TOP6BL: variants seen among roughly 807,000 people sequenced by gnomAD.
TOP6BL encodes type 2 DNA topoisomerase 6 subunit B-like.
chr11:66,746,543 C>T, the TOP6BL span, among the ~76,000 whole-genome samples: 4 of 152,118 alleles, frequency 2.6e-5, no homozygotes, highest in Non-Finnish European at 2.9e-5. Context: ...GGAGAAACTC[C>T]GTCACTACTA....
the TOP6BL span, among the ~76,000 whole-genome samples, chr11:66,794,440 C>T: frequency 1.4e-4 from 22 of 152,196 alleles, no homozygotes; most frequent in Non-Finnish European, 7.4e-5. Context: ...GCCAAGTTGA[C>T]CTGGCTAACC....
the TOP6BL span, among the ~76,000 whole-genome samples, chr11:66,814,709 A>G: frequency 7.2e-5 from 11 of 152,166 alleles, no homozygotes; most frequent in African/African-American, 2.2e-4. Flanking sequence ...TAAGGGAGCA[A>G]TGATACCTCT....
the TOP6BL span, among the ~76,000 whole-genome samples, chr11:66,814,427 A>G: frequency 2.6e-5 from 4 of 151,768 alleles, no homozygotes; most frequent in African/African-American, 9.7e-5. Flanking sequence ...CCTGGCTAAT[A>G]GTTTTTTGTA....
the TOP6BL span, among the ~76,000 whole-genome samples, chr11:66,761,198 C>T: frequency 6.6e-6 from 1 of 151,848 alleles, no homozygotes; most frequent in African/African-American, 2.4e-5. Context: ...GGTGAAACCC[C>T]GTCTCTACTA....
the TOP6BL span, among the ~76,000 whole-genome samples, chr11:66,826,981 CT>C: frequency 5.8e-4 from 55 of 95,044 alleles, no homozygotes; most frequent in Non-Finnish European, 6.0e-4. Context: ...CCACACCTGG[CT>C]TTTTTTTTTT....
chr11:66,819,463 A>G, the TOP6BL span, among the ~76,000 whole-genome samples: 4 of 152,246 alleles, frequency 2.6e-5, no homozygotes, highest in East Asian at 5.8e-4. Context: ...GAAACTGTAC[A>G]GTGTACATTT....
At chr11:66,834,271 T>C in the TOP6BL span, among the ~76,000 whole-genome samples, 1 of 152,016 alleles carries the variant, frequency 6.6e-6, no homozygotes, top group Non-Finnish European at 1.5e-5. Flanking sequence ...TACCGAGAGC[T>C]CCCGGCTCTG....
At chr11:66,760,454 A>AC in the TOP6BL span, among the ~76,000 whole-genome samples, 2 of 139,556 alleles carry the variant, frequency 1.4e-5, no homozygotes, top group African/African-American at 2.7e-5. Context: ...CTGTCTCAAA[A>AC]AAAAAAAAAG....
chr11:66,798,597 CAAAAA>C, the TOP6BL span, among the ~76,000 whole-genome samples: 2 of 43,240 alleles, frequency 4.6e-5, no homozygotes, highest in African/African-American at 8.7e-5. Context: ...GACTCTGTCT[CAAAAA>C]AAAAAAAAAA....
the TOP6BL span, among the ~76,000 whole-genome samples, chr11:66,837,506 G>A: frequency 1.4e-5 from 2 of 147,230 alleles, no homozygotes; most frequent in South Asian, 2.1e-4. Context: ...GTGCAATGGC[G>A]TGATCTCAGC....
At chr11:66,784,341 G>A in the TOP6BL span, among the ~76,000 whole-genome samples, 2 of 151,552 alleles carry the variant, frequency 1.3e-5, no homozygotes. Flanking sequence ...CCATTTTTTT[G>A]TATTTTTTAT....
the TOP6BL span, among the ~76,000 whole-genome samples, chr11:66,813,573 A>G: frequency 6.6e-6 from 1 of 152,174 alleles, no homozygotes; most frequent in Non-Finnish European, 1.5e-5. Context: ...TCTCTACTAA[A>G]AATACAAAAA....
At chr11:66,759,394 C>A in the TOP6BL span, among the ~76,000 whole-genome samples, 1 of 152,042 alleles carries the variant, frequency 6.6e-6, no homozygotes, top group Non-Finnish European at 1.5e-5. Flanking sequence ...ACTCTGTATA[C>A]AACTTTAGGC....
chr11:66,798,017 GT>G, the TOP6BL span, among the ~76,000 whole-genome samples: 1 of 152,188 alleles, frequency 6.6e-6, no homozygotes, highest in African/African-American at 2.4e-5. Context: ...TGTGAAGTAA[GT>G]TTTATCATCA....
chr11:66,774,403 T>A, the TOP6BL span, among the ~76,000 whole-genome samples: 3 of 152,004 alleles, frequency 2.0e-5, no homozygotes, highest in East Asian at 5.8e-4. Context: ...ATAGGGCAAA[T>A]CTCTCCTCCT....
At chr11:66,811,267 A>C in the TOP6BL span, among the ~76,000 whole-genome samples, 1 of 152,102 alleles carries the variant, frequency 6.6e-6, no homozygotes, top group Non-Finnish European at 1.5e-5. Flanking sequence ...TCCTGAGTTC[A>C]ATCAATCAGG....
the TOP6BL span, among the ~76,000 whole-genome samples, chr11:66,790,736 G>T: frequency 1.3e-5 from 2 of 152,206 alleles, no homozygotes; most frequent in Non-Finnish European, 2.9e-5. Flanking sequence ...CCGTGGCCAT[G>T]GAAATAGGTG....
the TOP6BL span, among the ~76,000 whole-genome samples, chr11:66,832,999 A>G: frequency 8.3e-5 from 12 of 144,708 alleles, no homozygotes; most frequent in Admixed American, 7.6e-4. Context: ...CTGTAACTCC[A>G]TCTTCACATT....
At chr11:66,756,397 G>T in the TOP6BL span, 1 of 1,152,298 alleles carries the variant, frequency 8.7e-7, no homozygotes, top group African/African-American at 1.7e-5. Context: ...CAGTGGCGCA[G>T]TCTCGGCTCA....
Sources: gnomAD v4.1 joint callset for allele counts (sites outside exome capture counted in the v4.1 genomes callset) on GRCh38, gnomAD v4.1.1 for gene constraint, MANE v1.5 for transcripts, NCBI Gene and HGNC (gene_info 2026-07-23, HGNC 2026-07-21) for gene names.